Variants in GFPT1 observed in about 807,000 individuals in gnomAD.
The protein encoded by GFPT1 is glutamine--fructose-6-phosphate aminotransferase [isomerizing] 1.
A neutral mutation model predicts 92.0 loss-of-function variants in GFPT1; 40 were observed. The ratio of observed to expected loss-of-function variants is 0.43; its 90% CI spans 0.34 to 0.57. GFPT1 has a LOEUF of 0.57. GFPT1 is among the 20% of genes least tolerant of loss of function. GFPT1 has a pLI of 0.02. For synonymous variants in GFPT1, 269 were observed against 280.6 expected (o/e 0.96, Z 0.41); for missense variants, 448 against 869.1 (o/e 0.52, Z 6.09).
intron 4 of GFPT1, among the ~76,000 whole-genome samples, chr2:69,360,199 C>G (rs13392380): frequency 5.3e-5 from 8 of 151,786 alleles, no homozygotes; most frequent in African/African-American, 1.7e-4. Context: ...CGTGGTGGCA[C>G]GTGCCTGTAA....
chr2:69,334,209 C>T (rs1670740877), intron 15 of GFPT1, among the ~76,000 whole-genome samples: 1 of 151,998 alleles, frequency 6.6e-6, no homozygotes, highest in Non-Finnish European at 1.5e-5. Context: ...TACCCATTAA[C>T]ATAAAAACTC....
intron 2 of GFPT1, among the ~76,000 whole-genome samples, chr2:69,371,647 C>T (rs1273328037): frequency 2.7e-5 from 4 of 150,096 alleles, no homozygotes; most frequent in Non-Finnish European, 3.0e-5. Flanking sequence ...ACCATCCTGG[C>T]TAACATGGTG....
intron 12 of GFPT1, among the ~76,000 whole-genome samples, chr2:69,344,251 C>T (rs1248853745): frequency 7.3e-6 from 1 of 136,384 alleles, no homozygotes; most frequent in African/African-American, 2.8e-5. Flanking sequence ...CAGATGATGA[C>T]AAAGAATGAC....
Position 69,382,671 on chromosome 2 carries a change from T to C in GFPT1, c.7+4394A>G, listed in dbSNP as rs534796302. Among the ~76,000 whole-genome samples, 17 of 152,324 alleles carry C rather than the reference T, an allele frequency of 1.1e-4. No homozygotes were observed. The South Asian group carries it at 2.7e-3, about 24-fold the overall frequency. ...TGGTCTGTTTTCCTGGCACTTCTAT[T>C]TCCTCCTTCATCTGGTAGTAGTTCT... On this transcript the variant is annotated intron_variant, in intron 1 of 19. Transcript: ENST00000357308.
intron 1 of GFPT1, among the ~76,000 whole-genome samples, chr2:69,378,047 G>A (rs988169311): frequency 6.6e-5 from 10 of 152,046 alleles, no homozygotes; most frequent in African/African-American, 1.2e-4. Flanking sequence ...ACAGAGTCTC[G>A]CTTTGTCGCC....
chr2:69,354,439 G>A, intron 8 of GFPT1, 50 bp downstream of exon 8: 2 of 1,330,388 alleles, frequency 1.5e-6, no homozygotes, highest in Non-Finnish European at 2.2e-6. Flanking sequence ...CCAACTTAAG[G>A]AAAATAATTC....
At chr2:69,337,293 G>A (rs1369813728) in intron 15 of GFPT1, among the ~76,000 whole-genome samples, 1 of 151,986 alleles carries the variant, frequency 6.6e-6, no homozygotes, top group African/African-American at 2.4e-5. Context: ...TTGAACTCCT[G>A]AGCTCAAATG....
intron 15 of GFPT1, among the ~76,000 whole-genome samples, chr2:69,337,319 C>T (rs946448350): frequency 1.3e-5 from 2 of 152,152 alleles, no homozygotes; most frequent in Non-Finnish European, 2.9e-5. Flanking sequence ...CCCGCCTCAG[C>T]CTCCCAAAGT....
chr2:69,342,343 G>A, intron 12 of GFPT1, 94 bp from the exon 13 acceptor site: 4 of 783,236 alleles, frequency 5.1e-6, no homozygotes, highest in Non-Finnish European at 9.1e-6. Flanking sequence ...ATATGAGGAA[G>A]AATACTGCTG....
chr2:69,373,905 T>TCAAAA, intron 2 of GFPT1, 101 bp downstream of exon 2: 1 of 659,084 alleles, frequency 1.5e-6, no homozygotes, highest in Non-Finnish European at 2.8e-6. Context: ...TTACACTTAC[T>TCAAAA]CAAAACAAAA....
chr2:69,344,853 G>C (rs1574057212), intron 12 of GFPT1, among the ~76,000 whole-genome samples: 1 of 151,830 alleles, frequency 6.6e-6, no homozygotes, highest in African/African-American at 2.4e-5. Context: ...GACTGGTCTA[G>C]AATTCCTGAG....
Position 69,354,476 on chromosome 2 carries a change from G to A in GFPT1, c.685+13C>T, listed in dbSNP as rs1382203834. 1 of 1,505,664 alleles carries A rather than the reference G, an allele frequency of 6.6e-7. No homozygotes were observed. The highest frequency in any genetic ancestry group is 1.4e-5 in the African/African-American group (1 of 72,796). 93.3% of individuals were successfully genotyped at this position (1,505,664 alleles called of 1,614,324 possible). On this transcript the variant is annotated intron_variant, in intron 8 of 19. Transcript: ENST00000357308. Reference sequence around the variant, plus strand: ...TCATATCTACTGCACTGCATTTGTAGAGGTAATTTTACCTGTTCTGTAGAG... The same window carrying A: ...TCATATCTACTGCACTGCATTTGTAAAGGTAATTTTACCTGTTCTGTAGAG...
intron 3 of GFPT1, among the ~76,000 whole-genome samples, chr2:69,365,293 C>T (rs999798983): frequency 9.9e-5 from 15 of 151,994 alleles, no homozygotes; most frequent in African/African-American, 4.8e-5. Flanking sequence ...GCCTGGCCAA[C>T]ATGGTGAAAC....
rs747052866 is a variant in GFPT1 at position 69,354,320 on chromosome 2, T to C, written c.686-8A>G. On this transcript the variant is annotated splice_polypyrimidine_tract_variant and splice_region_variant and intron_variant, in intron 8 of 19. Coordinates refer to ENST00000357308, the MANE Select transcript of GFPT1 (RefSeq NM_001244710.2). ...ATCCAATCTGAGTCCTAGCTAAGGATACACAACAGAAAAAAATTCTAATCA... is the reference window on the plus strand; with the variant it reads ...ATCCAATCTGAGTCCTAGCTAAGGACACACAACAGAAAAAAATTCTAATCA... 23 of 1,587,158 alleles carry C rather than the reference T, an allele frequency of 1.4e-5. No individual in the cohort carries two copies. The highest frequency in any genetic ancestry group is 1.7e-4 in the Middle Eastern group (1 of 6,050).
intron 7 of GFPT1, among the ~76,000 whole-genome samples, chr2:69,355,846 A>C (rs1163557071): frequency 1.3e-5 from 2 of 152,200 alleles, no homozygotes; most frequent in African/African-American, 4.8e-5. Context: ...TCTGTCTAGA[A>C]TATATGTTTC....
chr2:69,320,353 G>C lies in GFPT1; in HGVS notation c.*5836C>G, dbSNP rs1460205456. 2 of 152,194 alleles carry C rather than the reference G, an allele frequency of 1.3e-5. No individual in the cohort carries two copies. The highest frequency in any genetic ancestry group is 4.8e-5 in the African/African-American group (2 of 41,440). The allele number at this position is 152,194 out of a possible 1,614,324, so 9.4% of individuals were successfully genotyped here. A position where few individuals can be genotyped will look rare whatever the true frequency, so the allele number is the denominator to read the frequency against. On this transcript the variant is annotated 3_prime_UTR_variant, in exon 20 of 20. Transcript: ENST00000357308. Reference sequence around the variant, plus strand: ...ATAATGGATCTGGAATTCTCAATGAGTGTTACATGGTTTGGGAATTCTGGC... The same window carrying C: ...ATAATGGATCTGGAATTCTCAATGACTGTTACATGGTTTGGGAATTCTGGC...
Position 69,354,298 on chromosome 2 carries a change from CAATCT to C in GFPT1, c.695_699del (p.Gln232ArgfsTer47). 1 of 1,591,304 alleles carries C rather than the reference CAATCT, an allele frequency of 6.3e-7. No individual in the cohort carries two copies. Among genetic ancestry groups the C allele is most frequent in the Non-Finnish European group, 8.5e-7 (1 of 1,175,314 alleles). On this transcript the variant is annotated frameshift_variant, in exon 9 of 20. Transcript: ENST00000357308. LOFTEE classifies it high-confidence loss of function. ...GATCCCCACCGTGTGAATTTTGATC[CAATCT>C]GAGTCCTAGCTAAGGATACACAACA...
At chr2:69,368,855 A>C (rs1671673523) in intron 3 of GFPT1, among the ~76,000 whole-genome samples, 1 of 152,198 alleles carries the variant, frequency 6.6e-6, no homozygotes, top group East Asian at 1.9e-4. Flanking sequence ...CCAATACTGT[A>C]AATAAAAAGG....
At chr2:69,332,824 T>C (rs1320836412) in intron 15 of GFPT1, among the ~76,000 whole-genome samples, 1 of 151,726 alleles carries the variant, frequency 6.6e-6, no homozygotes, top group Non-Finnish European at 1.5e-5. Flanking sequence ...GAATTTCTAT[T>C]ACTCTTCTCT....
Sources: allele counts gnomAD v4.1 joint callset (sites outside exome capture counted in the v4.1 genomes callset), GRCh38; gene constraint gnomAD v4.1.1; transcripts MANE v1.5; gene names NCBI Gene and HGNC (gene_info 2026-07-23, HGNC 2026-07-21).